The following MUTYH variants were observed in gnomAD, a reference collection of about 807,000 sequenced individuals.
MUTYH encodes mutY DNA glycosylase.
In MUTYH, 64 loss-of-function variants were observed where a neutral mutation model predicts 72.9. That is an observed-to-expected ratio of 0.88 (90% CI 0.72 to 1.08). MUTYH has a LOEUF of 1.08. MUTYH is among the 50% of genes least tolerant of loss of function. The probability of loss-of-function intolerance (pLI) is 0.00; values close to 1 mark genes in which losing one functional copy is unlikely to be tolerated. For missense variants in MUTYH, 633 were observed against 671.0 expected (o/e 0.94, Z 0.63); for synonymous variants, 234 against 263.1 (o/e 0.89, Z 1.07).
chr1:45,333,016 G>C (rs1419881486), intron 5 of MUTYH, 57 bp from the exon 6 acceptor site: 2 of 1,613,016 alleles, frequency 1.2e-6, no homozygotes, highest in African/African-American at 2.7e-5. Flanking sequence ...GGTAGAGGAA[G>C]CCTTCTCTAC....
In MUTYH at chr1:45,331,453, G is replaced by C. The variant is rs752408891; in HGVS notation, c.1206C>G (p.Pro402=). 3 of 1,614,240 alleles carry C rather than the reference G, an allele frequency of 1.9e-6. No individual in the cohort carries two copies. Among genetic ancestry groups the C allele is most frequent in the Non-Finnish European group, 2.5e-6 (3 of 1,180,050 alleles). ...LLQELQRWAG[P]LPATHLRHLG... ...GGTGCCGGAGGTGCGTGGCTGGGAG[G>C]GGCCCAGCCCAACGCTGTAGTTCCT... Residue 402 remains proline (P), a synonymous_variant, in exon 13 of 16, where the codon CCC becomes CCG. Transcript: ENST00000456914.
At chr1:45,339,671 G>A (rs1257170877) in intron 1 of MUTYH, 13 of 407,460 alleles carry the variant, frequency 3.2e-5, no homozygotes, top group Middle Eastern at 5.8e-4. Flanking sequence ...CCAATCGGTC[G>A]CTCTTACACC....
intron 2 of MUTYH, 31 bp downstream of exon 2, chr1:45,334,360 A>G (rs763405085): frequency 7.1e-5 from 114 of 1,613,428 alleles, no homozygotes; most frequent in Non-Finnish European, 9.2e-5. Context: ...TTCATGGCCA[A>G]TGAGCCTTGG....
At position 45,331,177 on chromosome 1, in the gene MUTYH, A is replaced by C; in HGVS notation, c.1392+5T>G. The C allele has an allele frequency of 1.2e-6, 2 of 1,614,188 alleles. No individual in the cohort carries two copies. The highest frequency in any genetic ancestry group is 1.7e-6 in the Non-Finnish European group (2 of 1,179,982). ...GAAGTACAACAAAGACAACAAAGGT[A>C]GTGCCTTTTTCATGGCGGTGGAAAC... On this transcript the variant is annotated splice_donor_5th_base_variant and intron_variant, in intron 14 of 15. Coordinates refer to ENST00000456914, the MANE Select transcript of MUTYH (RefSeq NM_001048174.2).
chr1:45,340,103 G>T (rs575231522), upstream of MUTYH: 14 of 1,552,424 alleles, frequency 9.0e-6, no homozygotes, highest in South Asian at 1.5e-4. Flanking sequence ...CCTTCCCCGC[G>T]CCGGACCCGG....
At chr1:45,336,477 C>A (rs1645904750) in intron 1 of MUTYH, among the ~76,000 whole-genome samples, 1 of 152,174 alleles carries the variant, frequency 6.6e-6, no homozygotes, top group Non-Finnish European at 1.5e-5. Flanking sequence ...TGATCACATT[C>A]CACCACTGTG....
At chr1:45,335,285 TA>T (rs1463829304) in intron 1 of MUTYH, among the ~76,000 whole-genome samples, 12 of 152,132 alleles carry the variant, frequency 7.9e-5, no homozygotes, top group Non-Finnish European at 1.5e-4. Flanking sequence ...CCACCTTAGT[TA>T]TAAGGAAATT....
Position 45,331,315 on chromosome 1 carries a change from T to C in MUTYH, c.1259A>G (p.His420Arg). 6.2e-7 allele frequency: 1 copy of C among 1,614,106 alleles called. No individual in the cohort carries two copies. The highest frequency in any genetic ancestry group is 8.5e-7 in the Non-Finnish European group (1 of 1,179,998). ...ATATACTTGATATGTCAGCTTGATG[T>C]GAGAGAAGGTGTGGACAACCTGGAG... ...HLGEVVHTFS[H>R]IKLTYQVYGL... Residue 420 changes from histidine (H) to arginine (R), a missense_variant, in exon 14 of 16, where the codon CAC becomes CGC. Coordinates refer to ENST00000456914, the MANE Select transcript of MUTYH (RefSeq NM_001048174.2).
At chr1:45,340,312 G>T (rs775292915), upstream of MUTYH, 1 of 1,611,454 alleles carries the variant, frequency 6.2e-7, no homozygotes, top group Non-Finnish European at 8.5e-7. Flanking sequence ...ACGGTGAGCG[G>T]CTTCCCAGAG....
intron 13 of MUTYH, 25 bp downstream of exon 13, chr1:45,331,395 C>T (rs780859397): frequency 1.2e-6 from 2 of 1,614,230 alleles, no homozygotes; most frequent in Non-Finnish European, 1.7e-6. Flanking sequence ...AGCCAACATC[C>T]TTGGCTATTC....
intron 2 of MUTYH, 161 bp downstream of exon 2, chr1:45,334,230 C>G: frequency 9.6e-7 from 1 of 1,038,704 alleles, no homozygotes; most frequent in South Asian, 1.3e-5. Context: ...CTCAAGGGAT[C>G]CACCTGCCTC....
intron 1 of MUTYH, among the ~76,000 whole-genome samples, chr1:45,336,262 T>C (rs1323934923): frequency 1.3e-5 from 2 of 152,308 alleles, no homozygotes; most frequent in East Asian, 1.9e-4. Flanking sequence ...GGCAGGAGGA[T>C]TACTTGAGCC....
At chr1:45,333,353 A>G in intron 3 of MUTYH, 29 bp from the exon 4 acceptor site, 1 of 1,614,182 alleles carries the variant, frequency 6.2e-7, no homozygotes, top group Non-Finnish European at 8.5e-7. Context: ...ATGAGGAGTT[A>G]GGGTGGAGGG....
Position 45,337,705 on chromosome 1 carries a change from C to T in MUTYH, c.-7+2194G>A, listed in dbSNP as rs79525864. Among the ~76,000 whole-genome samples, 338 of 152,110 alleles carry T rather than the reference C, an allele frequency of 2.2e-3. 5 individuals carry two copies. The East Asian group carries it at 0.031, about 14-fold the overall frequency. On this transcript the variant is annotated intron_variant, in intron 1 of 15. Transcript: ENST00000456914. ...TGAGCTATGATTGTGCCACTGCACT[C>T]CACCCTGGGCTCAGCAAGACCTTGT...
intron 1 of MUTYH, chr1:45,338,609 T>TG (rs1416365134): frequency 3.8e-6 from 1 of 264,840 alleles, no homozygotes; most frequent in African/African-American, 2.1e-5. Context: ...TCTTGTTGAT[T>TG]GGTGTGTGTC....
chr1:45,333,988 G>T, intron 2 of MUTYH: 11 of 374,122 alleles, frequency 2.9e-5, no homozygotes, highest in South Asian at 2.7e-4. Context: ...CAGCAATACA[G>T]TCAGAATTAC....
In MUTYH at chr1:45,334,502, T is replaced by A. The variant is rs1570466955; in HGVS notation, c.4A>T (p.Arg2Trp). ...CTTCCCACGGCTGCTCGTGGCTTCC[T>A]CATGATGGCCTGAAACAAAAAGACC... M[R>W]KPRAAVGSGH... Residue 2 changes from arginine (R) to tryptophan (W), a missense_variant, in exon 2 of 16, where the codon AGG becomes TGG. Arg to Trp is a moderately radical substitution (Grantham distance 101). Coordinates refer to ENST00000456914, the MANE Select transcript of MUTYH (RefSeq NM_001048174.2). 6.2e-7 allele frequency: 1 copy of A among 1,614,028 alleles called. No homozygotes were observed. Among genetic ancestry groups the A allele is most frequent in the Non-Finnish European group, 8.5e-7 (1 of 1,179,964 alleles).
In MUTYH at chr1:45,333,574, C is replaced by T. The variant is rs541110664; in HGVS notation, c.116-13G>A. Reference sequence around the variant, plus strand: ...TGCCTGGCCAGGCCTGCTGGGGCCCCAGGACACTCAGCAATCATCCCTGCA... The same window carrying T: ...TGCCTGGCCAGGCCTGCTGGGGCCCTAGGACACTCAGCAATCATCCCTGCA... On this transcript the variant is annotated splice_polypyrimidine_tract_variant and intron_variant, in intron 2 of 15. Coordinates refer to ENST00000456914, the MANE Select transcript of MUTYH (RefSeq NM_001048174.2). 6.2e-7 allele frequency: 1 copy of T among 1,612,734 alleles called. No individual in the cohort carries two copies. The highest frequency in any genetic ancestry group is 2.2e-5 in the East Asian group (1 of 44,862).
In MUTYH at chr1:45,333,505, G is replaced by A. The variant is rs781163298; in HGVS notation, c.172C>T (p.Leu58=). 2 of 1,614,216 alleles carry A rather than the reference G, an allele frequency of 1.2e-6. No homozygotes were observed. The highest frequency in any genetic ancestry group is 1.7e-5 in the Admixed American group (1 of 60,020). ...VLQASVSSYH[L]FRDVAEVTAF... is the part of the protein sequence containing the mutation. ...GTGACTTCAGCTACGTCTCTGAATAGATGGTATGAGGAGACAGAGGCCTGC... is the reference window on the plus strand; with the variant it reads ...GTGACTTCAGCTACGTCTCTGAATAAATGGTATGAGGAGACAGAGGCCTGC... The change falls in exon 3 of 16, where the codon CTA becomes TTA. Residue 58 remains leucine (L), a synonymous_variant. Coordinates refer to ENST00000456914, the MANE Select transcript of MUTYH (RefSeq NM_001048174.2).
Sources: gnomAD v4.1 joint callset for allele counts (sites outside exome capture counted in the v4.1 genomes callset) on GRCh38, gnomAD v4.1.1 for gene constraint, MANE v1.5 for transcripts, NCBI Gene and HGNC (gene_info 2026-07-23, HGNC 2026-07-21) for gene names.